PDE4B: variants seen among roughly 807,000 people sequenced by gnomAD.
PDE4B encodes the protein 3',5'-cyclic-AMP phosphodiesterase 4B.
A neutral mutation model predicts 82.2 loss-of-function variants in PDE4B; 20 were observed. The observed-to-expected ratio is 0.24, with a 90% confidence interval of 0.17 to 0.35. The LOEUF (loss-of-function observed/expected upper bound fraction) is 0.35, where lower values mean the gene tolerates loss of function less well. PDE4B is among the 10% of genes least tolerant of loss of function. The probability of loss-of-function intolerance (pLI) is 1.00; values close to 1 mark genes in which losing one functional copy is unlikely to be tolerated. For synonymous variants in PDE4B, 320 were observed against 318.9 expected (o/e 1.00, Z -0.04); for missense variants, 655 against 907.2 (o/e 0.72, Z 3.57).
intron 1 of PDE4B, among the ~76,000 whole-genome samples, chr1:65,859,041 A>G (rs924420017): frequency 6.6e-5 from 10 of 152,124 alleles, no homozygotes; most frequent in Admixed American, 3.3e-4. Flanking sequence ...TTGGCATCCA[A>G]TTATTCACCT....
chr1:66,162,994 G>T (rs1184198660), intron 3 of PDE4B, among the ~76,000 whole-genome samples: 1 of 152,140 alleles, frequency 6.6e-6, no homozygotes, highest in African/African-American at 2.4e-5. Context: ...GCTTCTTTTA[G>T]TTCAGTTTTC....
chr1:65,816,838 T>C (rs1314963723), intron 1 of PDE4B, among the ~76,000 whole-genome samples: 1 of 152,250 alleles, frequency 6.6e-6, no homozygotes, highest in African/African-American at 2.4e-5. Context: ...TAATAAGTTT[T>C]GTAAAAAGCA....
At chr1:66,032,659 T>A (rs1205488755) in intron 3 of PDE4B, among the ~76,000 whole-genome samples, 1 of 149,694 alleles carries the variant, frequency 6.7e-6, no homozygotes, top group East Asian at 2.0e-4. Flanking sequence ...TCTAATTTTT[T>A]TTTTTTTTTT....
At chr1:66,080,392 A>C (rs1317188552) in intron 3 of PDE4B, among the ~76,000 whole-genome samples, 1 of 152,206 alleles carries the variant, frequency 6.6e-6, no homozygotes, top group Non-Finnish European at 1.5e-5. Flanking sequence ...CTTTTTACCA[A>C]GTGAAAAGAT....
chr1:66,372,711 C>T lies in PDE4B; in HGVS notation c.*33C>T. 1 of 1,580,190 alleles carries T rather than the reference C, an allele frequency of 6.3e-7. No individual in the cohort carries two copies. Among genetic ancestry groups the T allele is most frequent in the Non-Finnish European group, 8.6e-7 (1 of 1,161,542 alleles). The stretch of plus-strand genomic sequence containing the variant: ...CTCCCTGTGGAGATGAACATTCTAT[C>T]CTTGATGAGCATGCCAGCTATGTGG... On this transcript the variant is annotated 3_prime_UTR_variant, in exon 17 of 17. Transcript: ENST00000341517.
chr1:66,097,864 T>G (rs1480378526), intron 3 of PDE4B, among the ~76,000 whole-genome samples: 2 of 53,706 alleles, frequency 3.7e-5, no homozygotes, highest in South Asian at 4.6e-4. Flanking sequence ...GCTGCTGGGT[T>G]TTTTTTTTTT....
chr1:66,247,538 T>C lies in PDE4B; in HGVS notation c.360T>C (p.Leu120=). 6.2e-7 allele frequency: 1 copy of C among 1,613,076 alleles called. No individual in the cohort carries two copies. Among genetic ancestry groups the C allele is most frequent in the Non-Finnish European group, 8.5e-7 (1 of 1,179,472 alleles). ...PQASSSAGLV[L]HATFPGHSQR... The stretch of plus-strand genomic sequence containing the variant: ...CCAGCTCTTCCGCTGGGCTGGTACT[T>C]CACGCCACCTTTCCTGGGCACAGCC... Residue 120 remains leucine, a synonymous_variant, in exon 4 of 17, where the codon CTT becomes CTC. Transcript: ENST00000341517.
At chr1:66,254,294 G>A (rs1340608828) in intron 4 of PDE4B, among the ~76,000 whole-genome samples, 3 of 152,164 alleles carry the variant, frequency 2.0e-5, no homozygotes, top group Non-Finnish European at 2.9e-5. Flanking sequence ...CAAACCACAA[G>A]ATCTTCACCC....
At chr1:66,322,534 T>C (rs765747935) in intron 7 of PDE4B, among the ~76,000 whole-genome samples, 2 of 152,030 alleles carry the variant, frequency 1.3e-5, no homozygotes, top group Admixed American at 6.6e-5. Context: ...AAAGAAGACA[T>C]TGATGCAGCC....
intron 1 of PDE4B, among the ~76,000 whole-genome samples, chr1:65,798,114 T>C (rs1645651611): frequency 6.6e-6 from 1 of 152,002 alleles, no homozygotes; most frequent in Admixed American, 6.6e-5. Context: ...GCCTCTCGGG[T>C]TCAAGCAATT....
At chr1:65,848,679 G>A (rs930166122) in intron 1 of PDE4B, among the ~76,000 whole-genome samples, 1 of 152,038 alleles carries the variant, frequency 6.6e-6, no homozygotes, top group Admixed American at 6.6e-5. Flanking sequence ...TCAACAAAAT[G>A]TTTCTGAGAT....
intron 3 of PDE4B, among the ~76,000 whole-genome samples, chr1:65,982,300 G>A (rs1052527289): frequency 1.3e-5 from 2 of 152,130 alleles, no homozygotes; most frequent in Non-Finnish European, 2.9e-5. Context: ...TTTAGCTGAG[G>A]AGCTTTCTAA....
intron 7 of PDE4B, among the ~76,000 whole-genome samples, chr1:66,313,078 C>A (rs1037579931): frequency 6.6e-6 from 1 of 152,188 alleles, no homozygotes; most frequent in Non-Finnish European, 1.5e-5. Flanking sequence ...CATCAATTAC[C>A]ATAAAATTAT....
chr1:66,174,348 A>C (rs1159475208), intron 3 of PDE4B, among the ~76,000 whole-genome samples: 1 of 152,212 alleles, frequency 6.6e-6, no homozygotes, highest in Non-Finnish European at 1.5e-5. Flanking sequence ...TTTGTACTAC[A>C]TGATTCTCTA....
chr1:66,061,783 C>G (rs1226391273), intron 3 of PDE4B, among the ~76,000 whole-genome samples: 1 of 152,028 alleles, frequency 6.6e-6, no homozygotes, highest in Non-Finnish European at 1.5e-5. Flanking sequence ...GGAGGGAGAG[C>G]ATTAGGACAA....
At chr1:65,926,199 G>C (rs1360972856) in intron 3 of PDE4B, among the ~76,000 whole-genome samples, 1 of 152,174 alleles carries the variant, frequency 6.6e-6, no homozygotes, top group East Asian at 1.9e-4. Context: ...CACCTTTGGT[G>C]AGAAAAGTCC....
At chr1:66,358,653 G>A (rs1008225893) in intron 9 of PDE4B, among the ~76,000 whole-genome samples, 4 of 138,308 alleles carry the variant, frequency 2.9e-5, no homozygotes, top group African/African-American at 5.4e-5. Context: ...CAGCCTGGGC[G>A]AGAAGAGCAA....
At chr1:66,309,193 G>T (rs1658497013) in intron 7 of PDE4B, among the ~76,000 whole-genome samples, 2 of 152,180 alleles carry the variant, frequency 1.3e-5, no homozygotes, top group South Asian at 4.1e-4. Flanking sequence ...TATGTTTCTG[G>T]GAAGGCTCTA....
intron 3 of PDE4B, 75 bp downstream of exon 3, chr1:65,918,910 T>G (rs1454678122): frequency 1.1e-6 from 1 of 921,480 alleles, no homozygotes; most frequent in Non-Finnish European, 1.8e-6. Flanking sequence ...TTCATAGTAT[T>G]AAAATGTGAG....
Sources: allele counts gnomAD v4.1 joint callset (sites outside exome capture counted in the v4.1 genomes callset), GRCh38; gene constraint gnomAD v4.1.1; transcripts MANE v1.5; gene names NCBI Gene and HGNC (gene_info 2026-07-23, HGNC 2026-07-21).